The following WWC1 variants were observed in gnomAD, a reference collection of about 807,000 sequenced individuals.
The protein encoded by WWC1 is protein KIBRA.
WWC1 carries 55 observed loss-of-function variants against 138.4 expected under a neutral mutation model. That is an observed-to-expected ratio of 0.40 (90% CI 0.32 to 0.50). The LOEUF (loss-of-function observed/expected upper bound fraction) is 0.50, where lower values mean the gene tolerates loss of function less well. WWC1 is among the 20% of genes least tolerant of loss of function. The pLI is 0.72. For missense variants in WWC1, 1,226 were observed against 1,420.4 expected (o/e 0.86, Z 2.20); for synonymous variants, 524 against 564.9 (o/e 0.93, Z 1.03).
At chr5:168,323,191 G>A (rs1267334729) in intron 1 of WWC1, among the ~76,000 whole-genome samples, 1 of 152,152 alleles carries the variant, frequency 6.6e-6, no homozygotes, top group African/African-American at 2.4e-5. Context: ...GAGTTTAATA[G>A]TAGATCAGAT....
At chr5:168,300,582 A>G (rs1581853604) in intron 1 of WWC1, among the ~76,000 whole-genome samples, 1 of 63,696 alleles carries the variant, frequency 1.6e-5, no homozygotes, top group South Asian at 4.2e-4. Context: ...GGTCAGCCAG[A>G]AAAAAAAAAA....
intron 3 of WWC1, among the ~76,000 whole-genome samples, chr5:168,388,839 A>C (rs1778240470): frequency 2.0e-5 from 3 of 152,062 alleles, no homozygotes; most frequent in South Asian, 4.2e-4. Context: ...CAAAAAAAAA[A>C]ACAAAAAACA....
intron 17 of WWC1, among the ~76,000 whole-genome samples, chr5:168,444,822 AATGTT>A: frequency 6.6e-6 from 1 of 151,678 alleles, no homozygotes; most frequent in East Asian, 1.9e-4. Flanking sequence ...GTTCACACCT[AATGTT>A]ATTCTTTATC....
intron 1 of WWC1, among the ~76,000 whole-genome samples, chr5:168,314,587 A>G (rs1771408667): frequency 6.6e-6 from 1 of 151,990 alleles, no homozygotes; most frequent in South Asian, 2.1e-4. Flanking sequence ...AAAAAAAAGG[A>G]AAGAAATATT....
intron 19 of WWC1, among the ~76,000 whole-genome samples, chr5:168,460,328 C>T (rs541908273): frequency 6.6e-6 from 1 of 152,314 alleles, no homozygotes; most frequent in South Asian, 2.1e-4. Context: ...AGTTCTGCAA[C>T]CCCTAAGCTT....
intron 3 of WWC1, among the ~76,000 whole-genome samples, chr5:168,387,279 C>T (rs1778115862): frequency 1.3e-5 from 2 of 152,156 alleles, no homozygotes; most frequent in Non-Finnish European, 2.9e-5. Flanking sequence ...TGAACTCTCC[C>T]CTAGTGTGAA....
rs78303184 is a variant in WWC1, at chr5:168,318,517, A to G, written c.119+26246A>G. Among the ~76,000 whole-genome samples the G allele has an allele frequency of 2.2e-3, 328 of 151,586 alleles. 3 individuals are homozygous for G. The highest frequency in any genetic ancestry group is 6.8e-3 in the Admixed American group (103 of 15,224). On this transcript the variant is annotated intron_variant, in intron 1 of 22. Coordinates refer to ENST00000265293, the MANE Select transcript of WWC1 (RefSeq NM_015238.3). ...AATTTGACTTCTCTGACTGCCTCAT[A>G]TAAGTGAAATCTTAGAGTATTTGTC...
rs1011761705 is a variant in WWC1 at position 168,397,668 on chromosome 5, C to T, written c.434-56C>T. On this transcript the variant is annotated intron_variant, in intron 3 of 22. Transcript: ENST00000265293. ...TTTATTTAGATGGCCAATAAGCCAA[C>T]TTTGCTGAAATCTGTTTCTTCTACT... is the stretch of plus-strand genomic sequence containing the variant. 3.7e-6 allele frequency: 6 copies of T among 1,600,512 alleles called. No individual in the cohort carries two copies. In the Admixed American group the frequency reaches 1.0e-4, roughly 27 times the overall value.
chr5:168,395,631 C>T (rs1778844819), intron 3 of WWC1, among the ~76,000 whole-genome samples: 1 of 152,186 alleles, frequency 6.6e-6, no homozygotes, highest in East Asian at 1.9e-4. Flanking sequence ...AGGAATTAGA[C>T]ACCAGGAGAT....
intron 17 of WWC1, among the ~76,000 whole-genome samples, chr5:168,448,457 G>T (rs112672408): frequency 0.012 from 1,751 of 152,144 alleles, 28 homozygotes; most frequent in African/African-American, 0.04. Flanking sequence ...AAATACAGGA[G>T]AATATAACAC....
intron 1 of WWC1, among the ~76,000 whole-genome samples, chr5:168,317,955 T>C (rs1400982440): frequency 1.3e-5 from 2 of 152,224 alleles, no homozygotes; most frequent in African/African-American, 2.4e-5. Context: ...AGGAATGCAG[T>C]GCTGGAGAGA....
At chr5:168,427,464 G>A (rs570049960) in intron 11 of WWC1, among the ~76,000 whole-genome samples, 65 of 151,992 alleles carry the variant, frequency 4.3e-4, no homozygotes, top group African/African-American at 1.5e-3. Flanking sequence ...TTTGAATCCA[G>A]GCAGTTCGAC....
chr5:168,371,140 C>T (rs1418844879), intron 1 of WWC1, among the ~76,000 whole-genome samples: 8 of 152,134 alleles, frequency 5.3e-5, no homozygotes, highest in Non-Finnish European at 1.0e-4. Context: ...AACAGAGGCC[C>T]AAAGAAGGAA....
At chr5:168,438,337 A>G (rs1754430825) in intron 15 of WWC1, among the ~76,000 whole-genome samples, 1 of 152,252 alleles carries the variant, frequency 6.6e-6, no homozygotes, top group Non-Finnish European at 1.5e-5. Flanking sequence ...TGTTCTCATG[A>G]TAGTGAGTGT....
chr5:168,310,773 G>C (rs1440325156), intron 1 of WWC1, among the ~76,000 whole-genome samples: 1 of 149,980 alleles, frequency 6.7e-6, no homozygotes. Context: ...AGGGGGTCGA[G>C]GTTGCCGTGA....
intron 1 of WWC1, among the ~76,000 whole-genome samples, chr5:168,347,348 G>T (rs1299300339): frequency 6.6e-6 from 1 of 152,196 alleles, no homozygotes; most frequent in South Asian, 2.1e-4. Flanking sequence ...CACCAGGCTC[G>T]CAAGGGTCTC....
Position 168,345,532 on chromosome 5 carries a change from A to T in WWC1, c.120-25892A>T, listed in dbSNP as rs78955547. ...GTAGTTATTCAACATGACATTCACA[A>T]ACTTCATGAAATCCTGCCTCTTTTA... On this transcript the variant is annotated intron_variant, in intron 1 of 22. Transcript: ENST00000265293. 1.7e-3 allele frequency among the ~76,000 whole-genome samples: 266 copies of T among 152,332 alleles called. 9 individuals are homozygous for T. The East Asian group carries it at 0.041, about 24-fold the overall frequency.
intron 1 of WWC1, among the ~76,000 whole-genome samples, chr5:168,368,389 T>C (rs1195208450): frequency 6.6e-6 from 1 of 152,236 alleles, no homozygotes; most frequent in South Asian, 2.1e-4. Context: ...TAAAATCACT[T>C]AATTAATCTC....
At chr5:168,343,911 C>T (rs10475876) in intron 1 of WWC1, among the ~76,000 whole-genome samples, 7,075 of 152,076 alleles carry the variant, frequency 0.047, 553 homozygotes, top group African/African-American at 0.16. Context: ...GTCTCCCCCA[C>T]CATACCTCCA....
Sources: gnomAD v4.1 joint callset for allele counts (sites outside exome capture counted in the v4.1 genomes callset) on GRCh38, gnomAD v4.1.1 for gene constraint, MANE v1.5 for transcripts, NCBI Gene and HGNC (gene_info 2026-07-23, HGNC 2026-07-21) for gene names.